AGPAT3: variants seen among roughly 807,000 people sequenced by gnomAD.
AGPAT3 encodes 1-acyl-sn-glycerol-3-phosphate acyltransferase gamma.
A neutral mutation model predicts 47.3 loss-of-function variants in AGPAT3; 5 were observed. The ratio of observed to expected loss-of-function variants is 0.11; its 90% CI spans 0.06 to 0.22. AGPAT3 has a LOEUF of 0.22. AGPAT3 is among the 10% of genes least tolerant of loss of function. The pLI is 1.00. For missense variants in AGPAT3, 315 were observed against 493.0 expected, an observed-to-expected ratio of 0.64 and a Z score of 3.42; for synonymous variants, 212 against 208.3, an observed-to-expected ratio of 1.02 and a Z score of -0.15.
At chr21:43,909,048 G>A (rs1010744232) in intron 2 of AGPAT3, among the ~76,000 whole-genome samples, 3 of 152,208 alleles carry the variant, frequency 2.0e-5, no homozygotes, top group Admixed American at 1.3e-4. Context: ...GACTTCATTC[G>A]TTGATTTTAA....
chr21:43,873,647 G>A (rs927273691), intron 1 of AGPAT3, among the ~76,000 whole-genome samples: 1 of 152,190 alleles, frequency 6.6e-6, no homozygotes, highest in Non-Finnish European at 1.5e-5. Context: ...TAAAATGCTG[G>A]GATTACAGGC....
At chr21:43,949,603 C>T (rs898073853) in intron 2 of AGPAT3, among the ~76,000 whole-genome samples, 1 of 152,210 alleles carries the variant, frequency 6.6e-6, no homozygotes, top group Non-Finnish European at 1.5e-5. Flanking sequence ...GAGTAGACTC[C>T]ATGTCTTGGC....
intron 1 of AGPAT3, among the ~76,000 whole-genome samples, chr21:43,870,117 C>T (rs559017545): frequency 6.6e-6 from 1 of 152,280 alleles, no homozygotes; most frequent in South Asian, 2.1e-4. Context: ...TTTTAGGAAG[C>T]GAACCACAGC....
chr21:43,924,839 G>A (rs1308652770), intron 2 of AGPAT3, among the ~76,000 whole-genome samples: 2 of 152,256 alleles, frequency 1.3e-5, no homozygotes, highest in Non-Finnish European at 2.9e-5. Flanking sequence ...CCGTGTTGGA[G>A]AGGCGTGTGG....
At chr21:43,924,313 T>C (rs2086988546) in intron 2 of AGPAT3, among the ~76,000 whole-genome samples, 2 of 151,966 alleles carry the variant, frequency 1.3e-5, no homozygotes, top group African/African-American at 2.4e-5. Context: ...GCGTGAGCCA[T>C]CGCGCCGAGC....
At chr21:43,923,932 C>T (rs545697392) in intron 2 of AGPAT3, among the ~76,000 whole-genome samples, 44 of 152,160 alleles carry the variant, frequency 2.9e-4, no homozygotes, top group Non-Finnish European at 4.7e-4. Context: ...TCGAGGGCCC[C>T]GCAAGTCTCC....
At chr21:43,893,966 G>A (rs958742384) in intron 1 of AGPAT3, among the ~76,000 whole-genome samples, 1 of 152,210 alleles carries the variant, frequency 6.6e-6, no homozygotes, top group Non-Finnish European at 1.5e-5. Flanking sequence ...CTTGATGTTG[G>A]AAAAACGTGG....
At position 43,930,415 on chromosome 21, in the gene AGPAT3, C is replaced by A. The variant is rs1430532664; in HGVS notation, c.-49+26396C>A. Among the ~76,000 whole-genome samples the A allele has an allele frequency of 6.6e-6, 1 of 152,178 alleles. No homozygotes were observed. The highest frequency in any genetic ancestry group is 6.5e-5 in the Admixed American group (1 of 15,272). On this transcript the variant is annotated intron_variant, in intron 2 of 9. Transcript: ENST00000291572. This position sits in a 1 kb window ranked among gnomAD's most constrained non-coding sequence, Gnocchi z 5.0. ...CTGAGGGATCATTTGTGTAAAGCAC[C>A]TGCCACTGAGTGTGACCTCAGGGTT... is the stretch of plus-strand genomic sequence containing the variant.
At position 43,985,551 on chromosome 21, in the gene AGPAT3, G is replaced by A. The variant is rs1337029812; in HGVS notation, c.*3159G>A. ...TTGATGTTGATTTGAAGGAAAAGCC[G>A]TGGTTGGACCCAGCTGTGTGTTTCA... On this transcript the variant is annotated 3_prime_UTR_variant, in exon 10 of 10. Transcript: ENST00000291572. 1.5e-5 allele frequency: 4 copies of A among 271,962 alleles called. No individual in the cohort carries two copies. In the East Asian group the frequency reaches 3.2e-4, roughly 22 times the overall value. 16.8% of individuals were successfully genotyped at this position (271,962 alleles called of 1,614,324 possible).
chr21:43,959,779 T>C lies in AGPAT3; in HGVS notation c.98T>C (p.Leu33Pro). Residue 33 changes from leucine to proline, a missense_variant, in exon 3 of 10, where the codon CTG becomes CCG. Transcript: ENST00000291572. ...VSGLVINFVQ[L>P]CTLALWPVSK... ...GGTCTGGTCATCAACTTCGTCCAGC[T>C]GTGCACGCTGGCGCTCTGGCCGGTC... 1 of 1,613,702 alleles carries C rather than the reference T, an allele frequency of 6.2e-7. No homozygotes were observed. Among genetic ancestry groups the C allele is most frequent in the Non-Finnish European group, 8.5e-7 (1 of 1,179,934 alleles).
chr21:43,879,912 G>A (rs533198206), intron 1 of AGPAT3, among the ~76,000 whole-genome samples: 28 of 152,288 alleles, frequency 1.8e-4, no homozygotes, highest in Admixed American at 1.5e-3. Context: ...CTTGCTTCCC[G>A]TGAGCTCCCG....
chr21:43,888,285 C>T (rs2086025309), intron 1 of AGPAT3, among the ~76,000 whole-genome samples: 1 of 152,216 alleles, frequency 6.6e-6, no homozygotes, highest in South Asian at 2.1e-4. Flanking sequence ...AGCAATCCTC[C>T]TGTCTCAGCC....
chr21:43,913,283 A>G (rs2086664229), intron 2 of AGPAT3, among the ~76,000 whole-genome samples: 1 of 152,158 alleles, frequency 6.6e-6, no homozygotes, highest in Admixed American at 6.5e-5. Context: ...TCTCAAACCT[A>G]TGGGCAGTTT....
intron 3 of AGPAT3, chr21:43,966,670 A>G (rs1798916899): frequency 6.6e-6 from 1 of 152,198 alleles, no homozygotes; most frequent in African/African-American, 2.4e-5. Flanking sequence ...GATCTCGGGT[A>G]GCGGCCCTTT....
In AGPAT3 at chr21:43,969,150, C is replaced by T; in HGVS notation, c.381C>T (p.Leu127=). The change falls in exon 5 of 10, where the codon CTC becomes CTT. Residue 127 remains leucine, a synonymous_variant. Transcript: ENST00000291572. ...AGGTCCTCGCTAAGAAGGAGCTGCT[C>T]TACGTGCCCCTCATCGGCTGGACGT... The part of the protein sequence containing the change: ...SSKVLAKKEL[L]YVPLIGWTWY... 1 of 1,614,226 alleles carries T rather than the reference C, an allele frequency of 6.2e-7. No homozygotes were observed. The highest frequency in any genetic ancestry group is 2.2e-5 in the East Asian group (1 of 44,886).
chr21:43,951,232 G>A (rs543678035), intron 2 of AGPAT3, among the ~76,000 whole-genome samples: 5 of 152,324 alleles, frequency 3.3e-5, no homozygotes, highest in South Asian at 2.1e-4. Context: ...GAAGAGGAAG[G>A]GGGGAAGGAG....
chr21:43,879,101 G>A (rs2085796825), intron 1 of AGPAT3, among the ~76,000 whole-genome samples: 1 of 152,072 alleles, frequency 6.6e-6, no homozygotes, highest in African/African-American at 2.4e-5. Flanking sequence ...TGTAATCCCA[G>A]CACTTTGGGA....
At chr21:43,917,366 G>A (rs892048271) in intron 2 of AGPAT3, among the ~76,000 whole-genome samples, 3 of 152,194 alleles carry the variant, frequency 2.0e-5, no homozygotes, top group African/African-American at 4.8e-5. Flanking sequence ...CAGGTCTGCC[G>A]TCTGGTTGCA....
intron 2 of AGPAT3, among the ~76,000 whole-genome samples, chr21:43,929,396 C>T (rs962639117): frequency 1.3e-5 from 2 of 152,250 alleles, no homozygotes; most frequent in Non-Finnish European, 1.5e-5. Context: ...CCACACACTC[C>T]TGGAGCCTCT....
Sources: allele counts gnomAD v4.1 joint callset (sites outside exome capture counted in the v4.1 genomes callset), GRCh38; gene constraint gnomAD v4.1.1; non-coding constraint Gnocchi (gnomAD v3.1); transcripts MANE v1.5; gene names NCBI Gene and HGNC (gene_info 2026-07-23, HGNC 2026-07-21).